CREB5: variants seen among roughly 807,000 people sequenced by gnomAD.
CREB5 encodes the protein cyclic AMP-responsive element-binding protein 5.
In CREB5, 19 loss-of-function variants were observed where a neutral mutation model predicts 57.1. The ratio of observed to expected loss-of-function variants is 0.33; its 90% CI spans 0.23 to 0.49. CREB5 has a LOEUF of 0.49. CREB5 is among the 20% of genes least tolerant of loss of function. The pLI is 0.99. For synonymous variants in CREB5, 238 were observed against 238.3 expected, an observed-to-expected ratio of 1.00 and a Z score of 0.01; for missense variants, 579 against 671.6, an observed-to-expected ratio of 0.86 and a Z score of 1.52.
intron 2 of CREB5, 130 bp from the exon 3 acceptor site, chr7:28,494,776 T>G (rs975104864): frequency 3.8e-5 from 9 of 238,578 alleles, no homozygotes; most frequent in Non-Finnish European, 6.1e-5. Context: ...TTTCGAAATG[T>G]TTTTTTTTTT....
chr7:28,521,428 C>T (rs1793203782), intron 4 of CREB5, among the ~76,000 whole-genome samples: 1 of 152,178 alleles, frequency 6.6e-6, no homozygotes, highest in Admixed American at 6.5e-5. Flanking sequence ...TCCCAAGGCT[C>T]TTTAATGAGA....
chr7:28,446,740 C>T (rs562683107), intron 1 of CREB5, among the ~76,000 whole-genome samples: 5 of 152,128 alleles, frequency 3.3e-5, no homozygotes, highest in African/African-American at 9.6e-5. Flanking sequence ...TGCAGTGAGC[C>T]GAGATCACGC....
chr7:28,560,873 C>CCCGT (rs1795124567), intron 4 of CREB5, among the ~76,000 whole-genome samples: 8 of 22,100 alleles, frequency 3.6e-4, no homozygotes, highest in African/African-American at 1.9e-3. Context: ...TGCCTGCGTG[C>CCCGT]GCGTGCGTGC....
intron 1 of CREB5, among the ~76,000 whole-genome samples, chr7:28,474,924 G>T (rs1484129770): frequency 6.6e-6 from 1 of 152,108 alleles, no homozygotes; most frequent in Non-Finnish European, 1.5e-5. Flanking sequence ...GATTAAAAAC[G>T]CCTGACACAT....
At chr7:28,311,138 CA>C (rs58272820) in intron 1 of CREB5, among the ~76,000 whole-genome samples, 50 of 117,578 alleles carry the variant, frequency 4.3e-4, no homozygotes, top group African/African-American at 1.5e-3. Flanking sequence ...ACTAAAAATA[CA>C]AAAAAAAAAA....
chr7:28,660,725 TTTC>T (rs144067862), intron 5 of CREB5, among the ~76,000 whole-genome samples: 6 of 152,292 alleles, frequency 3.9e-5, no homozygotes, highest in South Asian at 2.1e-4. Context: ...TTTTCCTCCC[TTTC>T]TTCTTCTTCC....
intron 1 of CREB5, among the ~76,000 whole-genome samples, chr7:28,312,782 T>C (rs545955536): frequency 6.6e-6 from 1 of 152,324 alleles, no homozygotes; most frequent in East Asian, 1.9e-4. Context: ...CGGGCCATTC[T>C]AATGTCAGAG....
At chr7:28,367,822 GACAA>G (rs796164114) in intron 1 of CREB5, among the ~76,000 whole-genome samples, 43 of 148,930 alleles carry the variant, frequency 2.9e-4, no homozygotes, top group African/African-American at 1.0e-3. Context: ...CAAACAAACA[GACAA>G]ACAAACAAAC....
chr7:28,699,794 G>T (rs1801753203), intron 5 of CREB5, among the ~76,000 whole-genome samples: 1 of 151,990 alleles, frequency 6.6e-6, no homozygotes, highest in Non-Finnish European at 1.5e-5. Flanking sequence ...CCAAGAAGGG[G>T]TTTTTTCGCT....
intron 1 of CREB5, among the ~76,000 whole-genome samples, chr7:28,354,505 T>A (rs572631417): frequency 6.6e-6 from 1 of 152,308 alleles, no homozygotes; most frequent in East Asian, 1.9e-4. Flanking sequence ...CGGCGTATTG[T>A]GGGACTTTGT....
intron 5 of CREB5, among the ~76,000 whole-genome samples, chr7:28,572,119 C>T (rs1466981160): frequency 6.6e-6 from 1 of 152,186 alleles, no homozygotes; most frequent in East Asian, 1.9e-4. Context: ...GGCACCTTGT[C>T]TCACATTTTC....
intron 1 of CREB5, among the ~76,000 whole-genome samples, chr7:28,299,932 A>C (rs538157866): frequency 5.9e-5 from 9 of 152,288 alleles, no homozygotes; most frequent in Non-Finnish European, 1.2e-4. Flanking sequence ...TATACCACTA[A>C]GATTTTGATA....
chr7:28,761,204 C>T (rs140622478), intron 7 of CREB5, among the ~76,000 whole-genome samples: 229 of 152,098 alleles, frequency 1.5e-3, no homozygotes, highest in African/African-American at 5.4e-3. Context: ...CCCAATGATC[C>T]CAAGTTTAAG....
chr7:28,573,876 G>C (rs938103885), intron 5 of CREB5, among the ~76,000 whole-genome samples: 1 of 152,206 alleles, frequency 6.6e-6, no homozygotes, highest in Non-Finnish European at 1.5e-5. Flanking sequence ...AAAGGAAGTA[G>C]ACAAACAACA....
intron 5 of CREB5, among the ~76,000 whole-genome samples, chr7:28,627,801 C>G (rs1400240271): frequency 6.6e-6 from 1 of 152,054 alleles, no homozygotes; most frequent in Non-Finnish European, 1.5e-5. Flanking sequence ...TCAGGGCATT[C>G]ATTAGAAATT....
chr7:28,724,013 C>A (rs1275928452), intron 6 of CREB5, among the ~76,000 whole-genome samples: 3 of 152,000 alleles, frequency 2.0e-5, no homozygotes, highest in Non-Finnish European at 4.4e-5. Flanking sequence ...CCTGGGGCAC[C>A]CTGTATAGAA....
At chr7:28,359,041 ATT>A in intron 1 of CREB5, among the ~76,000 whole-genome samples, 1 of 152,208 alleles carries the variant, frequency 6.6e-6, no homozygotes, top group African/African-American at 2.4e-5. Context: ...ATTCAGGAGA[ATT>A]TGTTTCTCTT....
intron 5 of CREB5, among the ~76,000 whole-genome samples, chr7:28,611,993 G>A (rs1797410844): frequency 6.6e-6 from 1 of 152,184 alleles, no homozygotes; most frequent in Non-Finnish European, 1.5e-5. Context: ...TTGCCAGCCA[G>A]CAAGCCATCT....
chr7:28,783,193 C>T (rs1807091116), intron 7 of CREB5, among the ~76,000 whole-genome samples: 1 of 152,136 alleles, frequency 6.6e-6, no homozygotes, highest in Non-Finnish European at 1.5e-5. Flanking sequence ...CCCAGTACAG[C>T]CTCAAAAATC....
Sources: gnomAD v4.1 joint callset for allele counts (sites outside exome capture counted in the v4.1 genomes callset) on GRCh38, gnomAD v4.1.1 for gene constraint, MANE v1.5 for transcripts, NCBI Gene and HGNC (gene_info 2026-07-23, HGNC 2026-07-21) for gene names.